FMR1: variants seen among roughly 807,000 people sequenced by gnomAD.
FMR1 encodes fragile X messenger ribonucleoprotein 1, also known as FMRP translational regulator 1.
FMR1 carries 13 observed loss-of-function variants against 50.6 expected under a neutral mutation model. The ratio of observed to expected loss-of-function variants is 0.26; its 90% confidence interval spans 0.17 to 0.41. The LOEUF (loss-of-function observed/expected upper bound fraction) is 0.41, where lower values mean the gene tolerates loss of function less well. Ranked by LOEUF, FMR1 falls within the 10% of genes least tolerant of loss-of-function variation. The pLI is 1.00. For missense variants in FMR1, 316 were observed against 491.3 expected (o/e 0.64, Z 3.37); for synonymous variants, 138 against 164.1 (o/e 0.84, Z 1.22).
chrX:147,922,850 G>A (rs1375978811), intron 2 of FMR1, among the ~76,000 whole-genome samples: 2 of 111,659 alleles, frequency 1.8e-5, no homozygotes, highest in Non-Finnish European at 3.8e-5. Context: ...GGCTGGTGGG[G>A]AGAACATAGC....
chrX:147,923,502 TA>T (rs1415568637), intron 2 of FMR1, among the ~76,000 whole-genome samples: 2 of 111,420 alleles, frequency 1.8e-5, no homozygotes, highest in Non-Finnish European at 3.8e-5. Flanking sequence ...GCTACTCTTT[TA>T]GTTTTTCCTG....
At chrX:147,915,829 T>TTAG (rs2042828850) in intron 1 of FMR1, among the ~76,000 whole-genome samples, 1 of 111,822 alleles carries the variant, frequency 8.9e-6, no homozygotes, top group Non-Finnish European at 1.9e-5. Flanking sequence ...GGTAAGTGAC[T>TTAG]TACTACCAAG....
intron 2 of FMR1, 48 bp from the exon 3 acceptor site, chrX:147,925,492 T>G: frequency 1.0e-6 from 1 of 953,820 alleles, no homozygotes. Context: ...ATTATTTCAG[T>G]TAAACATGAA....
chrX:147,914,576 T>A (rs1173435231), intron 1 of FMR1: 1 of 112,091 alleles, frequency 8.9e-6, no homozygotes, highest in Admixed American at 9.4e-5. Flanking sequence ...AGACTTTGAT[T>A]TGCCTAACAT....
At position 147,950,427 on chromosome X, in the gene FMR1, C is replaced by T. The variant is rs1422446946; in HGVS notation, c.*1583C>T. On this transcript the variant is annotated 3_prime_UTR_variant, in exon 17 of 17. Coordinates refer to ENST00000370475, the MANE Select transcript of FMR1 (RefSeq NM_002024.6). ...AGTATTTGAAAACAGAAATTGGTAC[C>T]TTGCACACATCATCTGTAAGCTGTT... 3.1e-6 allele frequency: 1 copy of T among 327,833 alleles called. No individual in the cohort carries two copies. The highest frequency in any genetic ancestry group is 5.9e-6 in the Non-Finnish European group (1 of 169,588). The allele number at this position is 327,833 out of a possible 1,213,427, so 27.0% of individuals were successfully genotyped here. A position where few individuals can be genotyped will look rare whatever the true frequency, so the allele number is the denominator to read the frequency against.
At chrX:147,929,037 A>C (rs2124506564) in intron 5 of FMR1, among the ~76,000 whole-genome samples, 1 of 112,291 alleles carries the variant, frequency 8.9e-6, no homozygotes, top group Admixed American at 9.4e-5. Context: ...TTGGCTATAC[A>C]CGTGTCTGAT....
intron 2 of FMR1, among the ~76,000 whole-genome samples, chrX:147,924,499 G>C (rs538821803): frequency 2.4e-3 from 119 of 48,628 alleles, no homozygotes; most frequent in Non-Finnish European, 2.3e-3. Context: ...GTGTGTGTGT[G>C]TCTATATATA....
In FMR1 at chrX:147,924,026, A is replaced by C. The variant is rs1156873819; in HGVS notation, c.105-1514A>C. Among the ~76,000 whole-genome samples, 5 of 112,182 alleles carry C rather than the reference A, an allele frequency of 4.5e-5. No homozygotes were observed. The South Asian group carries it at 1.8e-3, about 41-fold the overall frequency. On this transcript the variant is annotated intron_variant, in intron 2 of 16. Transcript: ENST00000370475. The stretch of plus-strand genomic sequence containing the variant: ...GTGCTTCCTAAACCTTCCATAAAGC[A>C]TAAAGGTGTTTTCATATTTCACATT...
At chrX:147,921,348 T>C (rs1344221375) in intron 1 of FMR1, among the ~76,000 whole-genome samples, 3 of 111,524 alleles carry the variant, frequency 2.7e-5, no homozygotes, top group Non-Finnish European at 5.6e-5. Context: ...CTTTATATAT[T>C]TTTTCTACAA....
At chrX:147,919,143 C>T (rs1343870488) in intron 1 of FMR1, among the ~76,000 whole-genome samples, 5 of 111,699 alleles carry the variant, frequency 4.5e-5, no homozygotes, top group African/African-American at 1.3e-4. Flanking sequence ...AGCAGTGGCC[C>T]TTCTTTGTAA....
intron 13 of FMR1, among the ~76,000 whole-genome samples, chrX:147,940,942 C>A (rs1458156467): frequency 8.9e-6 from 1 of 111,912 alleles, no homozygotes; most frequent in Non-Finnish European, 1.9e-5. Flanking sequence ...CTGTACATAG[C>A]CTGTTAATCC....
At chrX:147,921,095 C>T (rs1557176332) in intron 1 of FMR1, among the ~76,000 whole-genome samples, 1 of 111,723 alleles carries the variant, frequency 9.0e-6, no homozygotes, top group Admixed American at 9.5e-5. Flanking sequence ...CTTAAATCTC[C>T]CCAAGCCCTT....
intron 3 of FMR1, among the ~76,000 whole-genome samples, chrX:147,926,671 A>G (rs2043399818): frequency 9.1e-6 from 1 of 110,464 alleles, no homozygotes; most frequent in Non-Finnish European, 1.9e-5. Flanking sequence ...TATTTTTAGT[A>G]GAGACGGGGT....
At chrX:147,918,779 A>G (rs1602940107) in intron 1 of FMR1, among the ~76,000 whole-genome samples, 1 of 110,612 alleles carries the variant, frequency 9.0e-6, no homozygotes, top group East Asian at 2.8e-4. Context: ...AACATTTGTA[A>G]ATGTTTTAAA....
Position 147,935,885 on chromosome X carries a change from T to C in FMR1, c.881-619T>C, listed in dbSNP as rs782496769. On this transcript the variant is annotated intron_variant, in intron 9 of 16. Coordinates refer to ENST00000370475, the MANE Select transcript of FMR1 (RefSeq NM_002024.6). ...TTAATACATTGCTAAAGTTTGTAAG[T>C]AATGCACAGGAGTGATACTCTGTTA... 2.7e-5 allele frequency among the ~76,000 whole-genome samples: 3 copies of C among 112,304 alleles called. No individual in the cohort carries two copies. The South Asian group carries it at 1.1e-3, about 41-fold the overall frequency.
chrX:147,938,959 T>G (rs1253361888), intron 12 of FMR1, among the ~76,000 whole-genome samples: 1 of 111,708 alleles, frequency 9.0e-6, no homozygotes, highest in Non-Finnish European at 1.9e-5. Flanking sequence ...GCCCTTGGGG[T>G]ACTCCAGCAG....
At chrX:147,916,348 A>G (rs1326057190) in intron 1 of FMR1, among the ~76,000 whole-genome samples, 1 of 112,067 alleles carries the variant, frequency 8.9e-6, no homozygotes, top group East Asian at 2.8e-4. Flanking sequence ...AGTCCTGGAC[A>G]TGTGGTATGG....
At chrX:147,934,180 T>C (rs781897232) in intron 9 of FMR1, among the ~76,000 whole-genome samples, 5 of 108,925 alleles carry the variant, frequency 4.6e-5, no homozygotes, top group South Asian at 3.8e-4. Flanking sequence ...GGAATTCTTA[T>C]GGAAAAAGAG....
chrX:147,913,911 A>G (rs983752983), intron 1 of FMR1: 2 of 111,833 alleles, frequency 1.8e-5, no homozygotes, highest in Admixed American at 1.9e-4. Context: ...AGTAACGGCT[A>G]ATGGTTAGGC....
Sources: gnomAD v4.1 joint callset for allele counts (sites outside exome capture counted in the v4.1 genomes callset) on GRCh38, gnomAD v4.1.1 for gene constraint, MANE v1.5 for transcripts, NCBI Gene and HGNC (gene_info 2026-07-23, HGNC 2026-07-21) for gene names.